IAH1: variants seen among roughly 807,000 people sequenced by gnomAD.
The protein encoded by IAH1 is isoamyl acetate-hydrolyzing esterase 1 homolog.
A neutral mutation model predicts 26.7 loss-of-function variants in IAH1; 24 were observed. The observed-to-expected ratio is 0.90, with a 90% CI of 0.65 to 1.26. The LOEUF (loss-of-function observed/expected upper bound fraction) is 1.26, where lower values mean the gene tolerates loss of function less well. Among genes scored for constraint, IAH1 ranks in the 50% most tolerant of loss-of-function variants. The pLI, the probability that IAH1 is intolerant of heterozygous loss-of-function variation, is 0.00. For missense variants in IAH1, 300 were observed against 299.9 expected (o/e 1.00, Z 0.00); for synonymous variants, 140 against 118.5 (o/e 1.18, Z -1.18).
chr2:9,512,089 G>T, the IAH1 span, among the ~76,000 whole-genome samples: 1 of 151,870 alleles, frequency 6.6e-6, no homozygotes, highest in African/African-American at 2.4e-5. Context: ...ATAATATTTT[G>T]CAAGTCATTT....
At chr2:9,484,353 T>C in intron 4 of IAH1, 79 bp from the exon 5 acceptor site, 1 of 1,097,758 alleles carries the variant, frequency 9.1e-7, no homozygotes, top group Non-Finnish European at 1.4e-6. Context: ...TGAAACTGTC[T>C]AGATGAGTGG....
chr2:9,481,693 C>A (rs530925724), intron 4 of IAH1, among the ~76,000 whole-genome samples: 1 of 152,270 alleles, frequency 6.6e-6, no homozygotes, highest in African/African-American at 2.4e-5. Flanking sequence ...CTGGCATCTG[C>A]TGACCTTTAC....
intron 4 of IAH1, 85 bp from the exon 5 acceptor site, chr2:9,484,347 A>T: frequency 9.5e-7 from 1 of 1,050,562 alleles, no homozygotes; most frequent in Non-Finnish European, 1.5e-6. Flanking sequence ...GCATTTTGAA[A>T]CTGTCTAGAT....
At chr2:9,497,816 T>A (rs1178194835), downstream of IAH1, among the ~76,000 whole-genome samples, 1 of 152,192 alleles carries the variant, frequency 6.6e-6, no homozygotes, top group African/African-American at 2.4e-5. Context: ...GCTAAGTTGA[T>A]GTGGCCTCCC....
At chr2:9,509,431 T>TTA in the IAH1 span, among the ~76,000 whole-genome samples, 1 of 152,212 alleles carries the variant, frequency 6.6e-6, no homozygotes, top group Non-Finnish European at 1.5e-5. Context: ...AATGATTCCA[T>TTA]TAATTATTCA....
intron 5 of IAH1, 46 bp downstream of exon 5, chr2:9,484,596 G>T: frequency 7.8e-7 from 1 of 1,278,122 alleles, no homozygotes; most frequent in Non-Finnish European, 1.1e-6. Context: ...GGATCACACA[G>T]AAGTAAACCA....
At chr2:9,492,872 T>C (rs776582699), downstream of IAH1, 7 of 1,566,982 alleles carry the variant, frequency 4.5e-6, no homozygotes, top group African/African-American at 8.3e-5. Flanking sequence ...ATAAAACATT[T>C]AATTACTTAA....
intron 2 of IAH1, among the ~76,000 whole-genome samples, chr2:9,477,503 C>G (rs1180346831): frequency 6.6e-6 from 1 of 151,946 alleles, no homozygotes; most frequent in Non-Finnish European, 1.5e-5. Flanking sequence ...AAAAAGAGTC[C>G]CTCTTATGTG....
the IAH1 span, chr2:9,512,395 CG>C: frequency 3.5e-4 from 53 of 152,096 alleles, no homozygotes; most frequent in African/African-American, 1.3e-3. Context: ...AAAGTAAAAG[CG>C]TGAGCTACTG....
At position 9,484,445 on chromosome 2, in the gene IAH1, T is replaced by C. The variant is rs751510148; in HGVS notation, c.459T>C (p.Asn153=). The C allele has an allele frequency of 6.2e-6, 10 of 1,614,124 alleles. No individual in the cohort carries two copies. The highest frequency in any genetic ancestry group is 8.5e-6 in the Non-Finnish European group (10 of 1,179,954). Residue 153 remains asparagine, a synonymous_variant, in exon 5 of 6, where the codon AAT becomes AAC. Coordinates refer to ENST00000497473, the MANE Select transcript of IAH1 (RefSeq NM_001039613.3). ...EQCIIQGCKL[N]RLNSVVGEYA... The stretch of plus-strand genomic sequence containing the variant: ...TCTCTTCAATAGGTTGCAAACTAAA[T>C]CGCCTGAACTCTGTTGTTGGTGAAT...
exon 6 of IAH1, chr2:9,494,829 C>T: frequency 1.3e-6 from 2 of 1,588,834 alleles, no homozygotes; most frequent in Non-Finnish European, 1.7e-6. Flanking sequence ...CCTCCTGCCT[C>T]CTCTTTCCTC....
intron 5 of IAH1, among the ~76,000 whole-genome samples, chr2:9,487,796 G>T (rs1302316710): frequency 1.2e-5 from 1 of 80,022 alleles, no homozygotes; most frequent in Non-Finnish European, 2.6e-5. Flanking sequence ...TTTTGTGTGT[G>T]TGTGTGTGTG....
downstream of IAH1, among the ~76,000 whole-genome samples, chr2:9,494,119 C>A (rs568773002): frequency 6.6e-6 from 1 of 152,162 alleles, no homozygotes; most frequent in East Asian, 1.9e-4. Context: ...TCTACACATA[C>A]ACAGTGGACA....
intron 3 of IAH1, chr2:9,480,812 G>C (rs17524181): frequency 2.2e-3 from 343 of 154,242 alleles, no homozygotes; most frequent in Middle Eastern, 0.02. Flanking sequence ...CTTGCTTTGT[G>C]AAGGCACACT....
intron 5 of IAH1, among the ~76,000 whole-genome samples, chr2:9,487,160 T>C (rs1382334708): frequency 6.6e-6 from 1 of 152,112 alleles, no homozygotes; most frequent in Non-Finnish European, 1.5e-5. Context: ...AAAGATCGCT[T>C]GAGCCCAGGA....
the IAH1 span, among the ~76,000 whole-genome samples, chr2:9,510,831 C>G: frequency 2.6e-5 from 4 of 151,756 alleles, no homozygotes; most frequent in Admixed American, 1.3e-4. Context: ...GACTTTGTCT[C>G]AAAAAAGAGT....
chr2:9,495,110 G>A (rs1662472155), intron 6 of IAH1, among the ~76,000 whole-genome samples: 8 of 152,186 alleles, frequency 5.3e-5, no homozygotes, highest in Admixed American at 5.2e-4. Context: ...TCACCCTGCT[G>A]ACTTCAATCC....
chr2:9,478,186 G>A (rs770926357), intron 2 of IAH1, 36 bp from the exon 3 acceptor site: 3 of 1,575,566 alleles, frequency 1.9e-6, no homozygotes, highest in African/African-American at 2.7e-5. Flanking sequence ...AACACTTCTT[G>A]CCCACAATTC....
At position 9,489,377 on chromosome 2, in the gene IAH1, C is replaced by T. The variant is rs1186660543; in HGVS notation, c.*1048C>T. The T allele has an allele frequency of 6.7e-6, 1 of 150,362 alleles. No homozygotes were observed. The highest frequency in any genetic ancestry group is 6.6e-5 in the Admixed American group (1 of 15,046). The allele number at this position is 150,362 out of a possible 1,614,324, so 9.3% of individuals were successfully genotyped here. ...GGATTACAGGCATGAGCCACCACTC[C>T]CAGCCAATAGTGAATTTTCTAAGAG... On this transcript the variant is annotated 3_prime_UTR_variant, in exon 6 of 6. Transcript: ENST00000497473.
Sources: allele counts gnomAD v4.1 joint callset (sites outside exome capture counted in the v4.1 genomes callset), GRCh38; gene constraint gnomAD v4.1.1; transcripts MANE v1.5; gene names NCBI Gene and HGNC (gene_info 2026-07-23, HGNC 2026-07-21).